Variants in TONSL observed in about 807,000 individuals in gnomAD.
TONSL encodes tonsoku like, DNA repair protein.
In TONSL, 112 loss-of-function variants were observed where a neutral mutation model predicts 147.1. The ratio of observed to expected loss-of-function variants is 0.76; its 90% CI spans 0.65 to 0.89. The LOEUF (loss-of-function observed/expected upper bound fraction) is 0.89, where lower values mean the gene tolerates loss of function less well. Among genes scored for constraint, TONSL ranks in the 40% least tolerant of loss-of-function variants. TONSL has a pLI of 0.00. For missense variants in TONSL, 1,883 were observed against 1,864.6 expected (o/e 1.01, Z -0.18); for synonymous variants, 868 against 801.5 (o/e 1.08, Z -1.40).
chr8:144,440,136 T>C lies in TONSL; in HGVS notation c.1365A>G (p.Arg455=), dbSNP rs1472965293. 1 of 1,611,830 alleles carries C rather than the reference T, an allele frequency of 6.2e-7. No homozygotes were observed. The highest frequency in any genetic ancestry group is 1.7e-5 in the Admixed American group (1 of 59,656). ...QPQEAPETET[R]LRELSVAEDE... ...CTTCAGCTACACTGAGCTCCCGTAG[T>C]CTGGTTTCGGTCTCAGGGGCCTCCT... The change falls in exon 11 of 26, where the codon AGA becomes AGG. Residue 455 remains arginine, a synonymous_variant. Coordinates refer to ENST00000409379, the MANE Select transcript of TONSL (RefSeq NM_013432.5).
At chr8:144,442,613 C>T in intron 5 of TONSL, 64 bp downstream of exon 5, 1 of 1,575,760 alleles carries the variant, frequency 6.3e-7, no homozygotes, top group Non-Finnish European at 8.6e-7. Flanking sequence ...GAAAAATACT[C>T]CCCTAACTAC....
chr8:144,443,332 A>C lies in TONSL; in HGVS notation c.265-11T>G. The stretch of plus-strand genomic sequence containing the variant: ...GTACTGGTGCTGGTGCTGAGTGTGG[A>C]AGGAAGTCACTGCTGTGAGCCGACT... On this transcript the variant is annotated splice_polypyrimidine_tract_variant and intron_variant, in intron 3 of 25. Transcript: ENST00000409379. The C allele has an allele frequency of 6.5e-7, 1 of 1,544,810 alleles. No individual in the cohort carries two copies. Among genetic ancestry groups the C allele is most frequent in the Non-Finnish European group, 8.8e-7 (1 of 1,142,654 alleles).
chr8:144,435,434 T>A (rs761787893), intron 18 of TONSL, 40 bp downstream of exon 18: 1 of 1,480,686 alleles, frequency 6.8e-7, no homozygotes, highest in Non-Finnish European at 9.1e-7. Context: ...GGCATGGAGC[T>A]GCACAGGTGG....
At chr8:144,435,352 C>T in intron 18 of TONSL, 122 bp downstream of exon 18, 1 of 1,242,136 alleles carries the variant, frequency 8.1e-7, no homozygotes, top group Non-Finnish European at 1.1e-6. Context: ...CTGGGGGCCA[C>T]AGGATCCTCC....
rs782693526 is a variant in TONSL at position 144,432,436 on chromosome 8, G to C, written c.3584C>G (p.Ser1195Cys). Reference protein sequence around the residue: ...FQDAEHLKTLSLSYNALGAPA... With the variant: ...FQDAEHLKTLCLSYNALGAPA... ...GGCTCCCAGGGCGTTGTAGGACAGG[G>C]ACAGGGTCTTCAGGTGCTCAGCATC... The change falls in exon 23 of 26, where the codon TCC (serine) becomes TGC (cysteine). Residue 1195 changes from serine (S) to cysteine (C), a missense_variant. Coordinates refer to ENST00000409379, the MANE Select transcript of TONSL (RefSeq NM_013432.5). The C allele has an allele frequency of 1.1e-5, 17 of 1,573,982 alleles. No individual in the cohort carries two copies. The Admixed American group carries it at 3.2e-4, about 30-fold the overall frequency.
chr8:144,429,557 A>G (rs1486599579), intron 25 of TONSL, among the ~76,000 whole-genome samples: 1 of 152,092 alleles, frequency 6.6e-6, no homozygotes, highest in African/African-American at 2.4e-5. Flanking sequence ...TCCCTTCTTT[A>G]CCTCTGACAG....
chr8:144,435,385 G>T, intron 18 of TONSL, 89 bp downstream of exon 18: 1 of 1,313,996 alleles, frequency 7.6e-7, no homozygotes, highest in Non-Finnish European at 1.0e-6. Context: ...GGGAGCCCTC[G>T]TCACACGCCC....
Position 144,444,197 on chromosome 8 carries a change from T to TC in TONSL, c.103dup (p.Glu35GlyfsTer27). 6.9e-7 allele frequency: 1 copy of TC among 1,452,602 alleles called. No individual in the cohort carries two copies. The highest frequency in any genetic ancestry group is 9.0e-7 in the Non-Finnish European group (1 of 1,106,000). 90.0% of individuals were successfully genotyped at this position (1,452,602 alleles called of 1,614,324 possible). Reference sequence around the variant, plus strand: ...GCGCTCACCATGGCCGGCCAGGAGCTCCCCCAGCTGGTGGCACAGCGCGGC... The same window carrying TC: ...GCGCTCACCATGGCCGGCCAGGAGCTCCCCCCAGCTGGTGGCACAGCGCGGC... On this transcript the variant is annotated frameshift_variant, in exon 2 of 26. Coordinates refer to ENST00000409379, the MANE Select transcript of TONSL (RefSeq NM_013432.5). LOFTEE classifies it high-confidence loss of function.
intron 22 of TONSL, chr8:144,433,355 C>T (rs1385894529): frequency 1.3e-5 from 6 of 473,728 alleles, no homozygotes; most frequent in South Asian, 5.0e-5. Context: ...GGATTACAGG[C>T]GTGAGCCACT....
intron 18 of TONSL, 119 bp from the exon 19 acceptor site, chr8:144,435,289 GC>G: frequency 1.5e-6 from 2 of 1,366,758 alleles, no homozygotes; most frequent in South Asian, 1.5e-5. Flanking sequence ...TTCCCAGGTA[GC>G]CGGCCCCTCC....
In TONSL at chr8:144,430,437, G is replaced by A. The variant is rs1032777372; in HGVS notation, c.3910C>T (p.Arg1304Trp). 8.1e-6 allele frequency: 13 copies of A among 1,611,940 alleles called. No individual in the cohort carries two copies. Among genetic ancestry groups the A allele is most frequent in the East Asian group, 2.2e-5 (1 of 44,806 alleles). ...CCAAGGAAGCTAAGGCCTTGGGGCC[G>A]CTTTTGGAGGGTGGACAGGAGCTCT... Reference protein sequence around the residue: ...LEELLSTLQKRPQGLSFLGLS... With the variant: ...LEELLSTLQKWPQGLSFLGLS... Residue 1304 changes from arginine to tryptophan, a missense_variant, in exon 25 of 26, where the codon CGG (arginine) becomes TGG (tryptophan). Coordinates refer to ENST00000409379, the MANE Select transcript of TONSL (RefSeq NM_013432.5).
chr8:144,439,976 G>A (rs755674767), intron 11 of TONSL, 45 bp downstream of exon 11: 2 of 835,902 alleles, frequency 2.4e-6, no homozygotes, highest in Non-Finnish European at 4.2e-6. Flanking sequence ...CTCCAGCCCG[G>A]CCCAGAGCAG....
In TONSL at chr8:144,435,429, G is replaced by A. The variant is rs1381355447; in HGVS notation, c.2852+45C>T. 5 of 1,462,806 alleles carry A rather than the reference G, an allele frequency of 3.4e-6. No homozygotes were observed. The Middle Eastern group carries it at 7.2e-4, about 210-fold the overall frequency. The allele number at this position is 1,462,806 out of a possible 1,614,324, so 90.6% of individuals were successfully genotyped here. ...CATGCAAACACGAGCACCCTGGCAT[G>A]GAGCTGCACAGGTGGGCTGCGGGGT... is the stretch of plus-strand genomic sequence containing the variant. On this transcript the variant is annotated intron_variant, in intron 18 of 25. Transcript: ENST00000409379.
In TONSL at chr8:144,436,088, G is replaced by A. The variant is rs1172485349; in HGVS notation, c.2345C>T (p.Ala782Val). 6.4e-7 allele frequency: 1 copy of A among 1,568,986 alleles called. No individual in the cohort carries two copies. Among genetic ancestry groups the A allele is most frequent in the African/African-American group, 1.3e-5 (1 of 74,206 alleles). ...WTPGPASNRE[A>V]ATASTSRAAY... ...TGCCCGGCTGGTGCTGGCTGTGGCT[G>A]CTTCCCTGTTGCTGGCGGGGCCAGG... is the stretch of plus-strand genomic sequence containing the variant. The change falls in exon 17 of 26, where the codon GCA becomes GTA. Residue 782 changes from alanine to valine, a missense_variant. Transcript: ENST00000409379.
rs567447206 is a variant in TONSL, at chr8:144,437,234, C to T, written c.1654-135G>A. Reference sequence around the variant, plus strand: ...GAGCAAGTCCGTGGCCCTGCCCTCTCCTCCTCCGGCCTAGGTGTCACCAGT... The same window carrying T: ...GAGCAAGTCCGTGGCCCTGCCCTCTTCTCCTCCGGCCTAGGTGTCACCAGT... On this transcript the variant is annotated intron_variant, in intron 13 of 25. Coordinates refer to ENST00000409379, the MANE Select transcript of TONSL (RefSeq NM_013432.5). 329 of 794,606 alleles carry T rather than the reference C, an allele frequency of 4.1e-4. 5 individuals carry two copies. In the East Asian group the frequency reaches 8.8e-3, roughly 21 times the overall value. The allele number at this position is 794,606 out of a possible 1,614,324, so 49.2% of individuals were successfully genotyped here.
In TONSL at chr8:144,436,745, C is replaced by T. The variant is rs772946355; in HGVS notation, c.1890+12G>A. 6.2e-7 allele frequency: 1 copy of T among 1,610,470 alleles called. No individual in the cohort carries two copies. The highest frequency in any genetic ancestry group is 8.5e-7 in the Non-Finnish European group (1 of 1,179,170). ...ATAACCTCGCCCTTGCCCTCTGCCC[C>T]ACCAGGCTCACCTTTCGAGTGCGGA... On this transcript the variant is annotated intron_variant, in intron 15 of 25. Transcript: ENST00000409379.
At chr8:144,431,175 G>A (rs2130836606) in intron 23 of TONSL, 24 bp from the exon 24 acceptor site, 1 of 1,613,090 alleles carries the variant, frequency 6.2e-7, no homozygotes. Context: ...GAGGCCCAAG[G>A]GGGCCAAACG....
Position 144,429,284 on chromosome 8 carries a change from C to T in TONSL, c.3996G>A (p.Ala1332=). 1 of 1,511,898 alleles carries T rather than the reference C, an allele frequency of 6.6e-7. No homozygotes were observed. The allele number at this position is 1,511,898 out of a possible 1,614,324, so 93.7% of individuals were successfully genotyped here. ...TGCACAGCTGCAGTTCCCGGAGCTG[C>T]GCGGCTATCTTGTCCCACAGGCCCA... ...LGLGLWDKIA[A]QLRELQLCSR... is the part of the protein sequence containing the mutation. The change falls in exon 26 of 26, where the codon GCG becomes GCA. Residue 1332 remains alanine, a synonymous_variant. Transcript: ENST00000409379.
chr8:144,442,662 G>A lies in TONSL; in HGVS notation c.578+15C>T, dbSNP rs200178912. The A allele has an allele frequency of 6.5e-5, 104 of 1,608,924 alleles. No individual in the cohort carries two copies. Among genetic ancestry groups the A allele is most frequent in the African/African-American group, 5.1e-4 (38 of 74,828 alleles). On this transcript the variant is annotated intron_variant, in intron 5 of 25. Coordinates refer to ENST00000409379, the MANE Select transcript of TONSL (RefSeq NM_013432.5). ...AAGGGACTCCACTCCCTCCTGGGGC[G>A]GGGCAGGGCCTTACTCCGCAAGGAA...
Sources: allele counts gnomAD v4.1 joint callset (sites outside exome capture counted in the v4.1 genomes callset), GRCh38; gene constraint gnomAD v4.1.1; transcripts MANE v1.5; gene names NCBI Gene and HGNC (gene_info 2026-07-23, HGNC 2026-07-21).